The following OBI1 variants were observed in gnomAD, a reference collection of about 807,000 sequenced individuals.
OBI1 encodes ring finger protein 219.
A neutral mutation model predicts 62.4 loss-of-function variants in OBI1; 59 were observed. That is an observed-to-expected ratio of 0.95 (90% CI 0.77 to 1.17). The LOEUF (loss-of-function observed/expected upper bound fraction) is 1.17, where lower values mean the gene tolerates loss of function less well. Among genes scored for constraint, OBI1 ranks in the 50% most tolerant of loss-of-function variants. The pLI, the probability that OBI1 is intolerant of heterozygous loss-of-function variation, is 0.00. For missense variants in OBI1, 875 were observed against 830.9 expected (o/e 1.05, Z -0.65); for synonymous variants, 302 against 292.8 (o/e 1.03, Z -0.32).
Position 78,624,107 on chromosome 13 carries a change from T to C in OBI1, c.639-6985A>G, listed in dbSNP as rs544218952. ...AACTACAAGTAAAAGATGTTTTTTA[T>C]ATGAAATGAGAAAAACTAAATGCAA... On this transcript the variant is annotated intron_variant, in intron 5 of 5. Coordinates refer to ENST00000282003, the MANE Select transcript of OBI1 (RefSeq NM_024546.4). Among the ~76,000 whole-genome samples the C allele has an allele frequency of 5.3e-5, 8 of 152,340 alleles. No homozygotes were observed. The East Asian group carries it at 1.5e-3, about 29-fold the overall frequency.
In OBI1 at chr13:78,614,708, CG is replaced by C. The variant is rs1301567717; in HGVS notation, c.*871del. 6.6e-6 allele frequency: 1 copy of C among 152,254 alleles called. No homozygotes were observed. Among genetic ancestry groups the C allele is most frequent in the African/African-American group, 2.4e-5 (1 of 41,538 alleles). The allele number at this position is 152,254 out of a possible 1,614,324, so 9.4% of individuals were successfully genotyped here. ...GAATGCAAGTGGATCAAGAACTTGG[CG>C]ATGAGCTCTTTCAAACCTGTTACAT... On this transcript the variant is annotated 3_prime_UTR_variant, in exon 6 of 6. Coordinates refer to ENST00000282003, the MANE Select transcript of OBI1 (RefSeq NM_024546.4).
intron 1 of OBI1, among the ~76,000 whole-genome samples, chr13:78,651,921 T>C (rs1390408044): frequency 6.6e-6 from 1 of 152,166 alleles, no homozygotes; most frequent in African/African-American, 2.4e-5. Flanking sequence ...CTAAAAGTGC[T>C]TCAAGCAGCA....
intron 5 of OBI1, among the ~76,000 whole-genome samples, chr13:78,633,265 G>A (rs1386808805): frequency 6.6e-6 from 1 of 152,154 alleles, no homozygotes; most frequent in African/African-American, 2.4e-5. Flanking sequence ...ATTATCTGAA[G>A]TGAAAGAAAA....
intron 4 of OBI1, among the ~76,000 whole-genome samples, chr13:78,636,992 A>G (rs1876049581): frequency 6.6e-6 from 1 of 152,232 alleles, no homozygotes; most frequent in Non-Finnish European, 1.5e-5. Context: ...TTCAAGTTCA[A>G]GAAGGTTAGG....
At chr13:78,641,690 A>G (rs975524856) in intron 3 of OBI1, among the ~76,000 whole-genome samples, 3 of 152,212 alleles carry the variant, frequency 2.0e-5, no homozygotes, top group African/African-American at 7.2e-5. Flanking sequence ...GATCAGGCTT[A>G]TAATCATCAG....
rs750357954 is a variant in OBI1, at chr13:78,616,511, T to C, written c.1250A>G (p.Lys417Arg). 1.4e-5 allele frequency: 22 copies of C among 1,614,078 alleles called. No individual in the cohort carries two copies. Among genetic ancestry groups the C allele is most frequent in the Admixed American group, 3.3e-5 (2 of 60,010 alleles). ...ESSVVQAGGS[K>R]KHSNHLRKLV... ...TTTTCTGAGATGGTTTGAGTGCTTT[T>C]TGGAACCTCCTGCTTGGACCACAGA... Residue 417 changes from lysine (K) to arginine (R), a missense_variant, in exon 6 of 6, where the codon AAA becomes AGA. Lys to Arg is a conservative substitution (Grantham distance 26). Transcript: ENST00000282003.
intron 5 of OBI1, among the ~76,000 whole-genome samples, chr13:78,626,572 T>A (rs1264821853): frequency 6.6e-6 from 1 of 151,916 alleles, no homozygotes; most frequent in Non-Finnish European, 1.5e-5. Context: ...CTGGGCTAGA[T>A]CTCAAAGGAC....
chr13:78,646,498 CTT>C (rs1447680978), intron 1 of OBI1, among the ~76,000 whole-genome samples: 2 of 151,942 alleles, frequency 1.3e-5, no homozygotes, highest in Middle Eastern at 3.2e-3. Context: ...AAAATGTAGT[CTT>C]ATCACTTGAT....
At chr13:78,651,869 G>C (rs1483223319) in intron 1 of OBI1, among the ~76,000 whole-genome samples, 2 of 152,118 alleles carry the variant, frequency 1.3e-5, no homozygotes, top group Non-Finnish European at 2.9e-5. Flanking sequence ...ATTAATAAAA[G>C]TGAATTTTGA....
chr13:78,614,738 G>A lies in OBI1; in HGVS notation c.*842C>T, dbSNP rs1391587884. ...AGCTCTTTCAAACCTGTTACATCTG[G>A]AACAATGAAGCTATGATGTTTTAGG... On this transcript the variant is annotated 3_prime_UTR_variant, in exon 6 of 6. Transcript: ENST00000282003. The A allele has an allele frequency of 6.6e-6, 1 of 152,142 alleles. No homozygotes were observed. The highest frequency in any genetic ancestry group is 1.5e-5 in the Non-Finnish European group (1 of 68,026). The allele number at this position is 152,142 out of a possible 1,614,324, so 9.4% of individuals were successfully genotyped here.
At chr13:78,658,930 C>A in intron 1 of OBI1, 119 bp downstream of exon 1, 1 of 796,480 alleles carries the variant, frequency 1.3e-6, no homozygotes, top group South Asian at 1.6e-5. Context: ...CGCGGGTTAG[C>A]GTTTTCTCCC....
chr13:78,628,047 C>T (rs1444415635), intron 5 of OBI1, among the ~76,000 whole-genome samples: 1 of 152,106 alleles, frequency 6.6e-6, no homozygotes, highest in Non-Finnish European at 1.5e-5. Flanking sequence ...AACAAACAGG[C>T]CACGCAATTA....
chr13:78,643,446 C>G (rs1472045235), intron 2 of OBI1, among the ~76,000 whole-genome samples: 1 of 152,198 alleles, frequency 6.6e-6, no homozygotes, highest in East Asian at 1.9e-4. Flanking sequence ...CTAAGTCCTA[C>G]TAGTTCTTCT....
chr13:78,630,244 C>T (rs1875803514), intron 5 of OBI1, among the ~76,000 whole-genome samples: 1 of 152,116 alleles, frequency 6.6e-6, no homozygotes, highest in South Asian at 2.1e-4. Context: ...TTTCTGGAAG[C>T]AGGGACCATG....
In OBI1 at chr13:78,615,667, C is replaced by A; in HGVS notation, c.2094G>T (p.Lys698Asn). The A allele has an allele frequency of 6.2e-7, 1 of 1,613,988 alleles. No homozygotes were observed. Among genetic ancestry groups the A allele is most frequent in the Non-Finnish European group, 8.5e-7 (1 of 1,179,956 alleles). The change falls in exon 6 of 6, where the codon AAG becomes AAT. Residue 698 changes from lysine (K) to asparagine (N), a missense_variant. Coordinates refer to ENST00000282003, the MANE Select transcript of OBI1 (RefSeq NM_024546.4). ...TTGATTGATTCACATTTTTATTCCT[C>A]TTTTCAGGCACAAAGGAAGTAGACC... is the stretch of plus-strand genomic sequence containing the variant. The part of the protein sequence containing the change: ...SPWSTSFVPE[K>N]RNKNVNQSTK...
chr13:78,635,816 G>A (rs1876012231), intron 4 of OBI1, among the ~76,000 whole-genome samples: 1 of 152,148 alleles, frequency 6.6e-6, no homozygotes, highest in Non-Finnish European at 1.5e-5. Flanking sequence ...AGGCTGGAGT[G>A]TAGTGGTGTG....
chr13:78,637,120 C>G (rs540926740), intron 4 of OBI1, among the ~76,000 whole-genome samples: 3 of 152,222 alleles, frequency 2.0e-5, no homozygotes, highest in African/African-American at 7.2e-5. Flanking sequence ...ACTGGCCTCA[C>G]GATGGTTCAA....
In OBI1 at chr13:78,659,082, A is replaced by C. The variant is rs747722359; in HGVS notation, c.39T>G (p.Thr13=). 2.5e-6 allele frequency: 4 copies of C among 1,612,986 alleles called. No individual in the cohort carries two copies. Among genetic ancestry groups the C allele is most frequent in the Non-Finnish European group, 3.4e-6 (4 of 1,179,740 alleles). The change falls in exon 1 of 6, where the codon ACT becomes ACG. Residue 13 remains threonine, a synonymous_variant. Coordinates refer to ENST00000282003, the MANE Select transcript of OBI1 (RefSeq NM_024546.4). ...QTVQNVTLSL[T]LPITCHICLG... ...AGCAAATGTGGCACGTGATGGGCAG[A>C]GTGAGCGACAATGTAACATTCTGCA... is the stretch of plus-strand genomic sequence containing the variant.
rs1875182205 is a variant in OBI1 at position 78,614,617 on chromosome 13, C to A, written c.*963G>T. The A allele has an allele frequency of 6.6e-6, 1 of 152,532 alleles. No homozygotes were observed. The highest frequency in any genetic ancestry group is 6.5e-5 in the Admixed American group (1 of 15,286). 9.4% of individuals were successfully genotyped at this position (152,532 alleles called of 1,614,324 possible). A position where few individuals can be genotyped will look rare whatever the true frequency, so the allele number is the denominator to read the frequency against. On this transcript the variant is annotated 3_prime_UTR_variant, in exon 6 of 6. Coordinates refer to ENST00000282003, the MANE Select transcript of OBI1 (RefSeq NM_024546.4). ...CACAGCAAGCAAAAATGCTACCATG[C>A]ATAGTTTCCACAAAGAACAGGAACA...
Sources: allele counts gnomAD v4.1 joint callset (sites outside exome capture counted in the v4.1 genomes callset), GRCh38; gene constraint gnomAD v4.1.1; transcripts MANE v1.5; gene names NCBI Gene and HGNC (gene_info 2026-07-23, HGNC 2026-07-21).